CADM2: variants seen among roughly 807,000 people sequenced by gnomAD.
CADM2 encodes cell adhesion molecule 2.
CADM2 carries 12 observed loss-of-function variants against 49.8 expected under a neutral mutation model. That is an observed-to-expected ratio of 0.24 (90% confidence interval 0.15 to 0.39). CADM2 has a LOEUF of 0.39. Among genes scored for constraint, CADM2 ranks in the 10% least tolerant of loss-of-function variants. The probability of loss-of-function intolerance (pLI) is 1.00; values close to 1 mark genes in which losing one functional copy is unlikely to be tolerated. For synonymous variants in CADM2, 214 were observed against 175.4 expected, an observed-to-expected ratio of 1.22 and a Z score of -1.74; for missense variants, 378 against 492.3, an observed-to-expected ratio of 0.77 and a Z score of 2.20.
intron 8 of CADM2, among the ~76,000 whole-genome samples, chr3:86,011,753 T>G (rs13065014): frequency 6.6e-6 from 1 of 151,650 alleles, no homozygotes; most frequent in South Asian, 2.1e-4. Flanking sequence ...GAGAAATATG[T>G]AAAAAAAGAA....
At chr3:85,429,381 T>C (rs1205359308) in intron 1 of CADM2, among the ~76,000 whole-genome samples, 1 of 152,110 alleles carries the variant, frequency 6.6e-6, no homozygotes, top group East Asian at 1.9e-4. Context: ...TGCTCCAAAG[T>C]ATAAAGGCAC....
intron 3 of CADM2, among the ~76,000 whole-genome samples, chr3:85,881,159 T>C (rs1168963335): frequency 6.6e-6 from 1 of 152,156 alleles, no homozygotes; most frequent in Admixed American, 6.5e-5. Context: ...TAACTGATTC[T>C]ATCCTCTGTC....
chr3:85,701,888 GATAGAT>G, intron 1 of CADM2, among the ~76,000 whole-genome samples: 2 of 151,036 alleles, frequency 1.3e-5, no homozygotes, highest in African/African-American at 4.9e-5. Context: ...TAGATAGATA[GATAGAT>G]AGATAGATAG....
chr3:85,354,757 A>C (rs1431618873), intron 1 of CADM2, among the ~76,000 whole-genome samples: 2 of 152,054 alleles, frequency 1.3e-5, no homozygotes, highest in African/African-American at 4.8e-5. Context: ...GTTGCAGCTT[A>C]CAGGCTGGTT....
chr3:85,947,583 T>G (rs1413325060), intron 7 of CADM2, among the ~76,000 whole-genome samples: 1 of 151,678 alleles, frequency 6.6e-6, no homozygotes, highest in East Asian at 1.9e-4. Context: ...CTTTCCATAA[T>G]GAGTTTCTTT....
At chr3:85,842,290 T>C (rs978686311) in intron 3 of CADM2, among the ~76,000 whole-genome samples, 12 of 152,128 alleles carry the variant, frequency 7.9e-5, no homozygotes, top group African/African-American at 2.9e-4. Context: ...CCCAAATGGC[T>C]GAGGCTGGCA....
rs75562100 is a variant in CADM2, at chr3:85,870,480, A to G, written c.239-12811A>G. ...TGTGTGTTCTCATCATTTAGCTCCC[A>G]TTTATAAGTGAGAAAATGCTGTATT... On this transcript the variant is annotated intron_variant, in intron 3 of 9. Coordinates refer to ENST00000383699, the MANE Select transcript of CADM2 (RefSeq NM_001167675.2). Among the ~76,000 whole-genome samples the G allele has an allele frequency of 2.1e-3, 324 of 152,096 alleles. 1 individual carries two copies. Among genetic ancestry groups the G allele is most frequent in the African/African-American group, 7.6e-3 (316 of 41,490 alleles).
At chr3:85,128,941 A>C (rs2039131131) in intron 1 of CADM2, among the ~76,000 whole-genome samples, 1 of 152,190 alleles carries the variant, frequency 6.6e-6, no homozygotes, top group Non-Finnish European at 1.5e-5. Context: ...CACATCAGAT[A>C]CTGAGAGTTA....
intron 1 of CADM2, among the ~76,000 whole-genome samples, chr3:85,213,653 GA>G (rs1286609732): frequency 2.0e-5 from 3 of 152,002 alleles, no homozygotes; most frequent in Non-Finnish European, 4.4e-5. Flanking sequence ...TCTTGGTTTG[GA>G]AAGTTCTCTG....
chr3:85,212,933 T>G (rs2041835748), intron 1 of CADM2, among the ~76,000 whole-genome samples: 1 of 149,910 alleles, frequency 6.7e-6, no homozygotes, highest in South Asian at 2.1e-4. Flanking sequence ...CAGACTGGAG[T>G]GCAATGGCGC....
At chr3:85,686,715 G>A (rs1473332023) in intron 1 of CADM2, among the ~76,000 whole-genome samples, 2 of 152,054 alleles carry the variant, frequency 1.3e-5, no homozygotes, top group Non-Finnish European at 2.9e-5. Context: ...ACTACTTAGG[G>A]CAAACCTGCC....
chr3:85,784,671 TCA>T (rs1399693641), intron 2 of CADM2, among the ~76,000 whole-genome samples: 1 of 152,128 alleles, frequency 6.6e-6, no homozygotes, highest in Non-Finnish European at 1.5e-5. Context: ...AGAATTCATG[TCA>T]TAACTTATTT....
At chr3:85,996,446 T>C (rs569258775) in intron 8 of CADM2, among the ~76,000 whole-genome samples, 1 of 152,010 alleles carries the variant, frequency 6.6e-6, no homozygotes, top group South Asian at 2.1e-4. Context: ...TACAGGCGCA[T>C]GCTACCTAGT....
At chr3:85,517,275 C>T (rs2060927129) in intron 1 of CADM2, among the ~76,000 whole-genome samples, 1 of 151,880 alleles carries the variant, frequency 6.6e-6, no homozygotes, top group Non-Finnish European at 1.5e-5. Context: ...ATTGATGCTA[C>T]CATTACTTGT....
intron 1 of CADM2, among the ~76,000 whole-genome samples, chr3:85,585,753 G>A (rs1273226380): frequency 6.6e-6 from 1 of 151,990 alleles, no homozygotes; most frequent in Non-Finnish European, 1.5e-5. Flanking sequence ...GAGATTTAGA[G>A]TTTGGAGAAA....
chr3:85,622,190 ATTTG>A (rs986564839), intron 1 of CADM2, among the ~76,000 whole-genome samples: 8 of 152,010 alleles, frequency 5.3e-5, no homozygotes, highest in Non-Finnish European at 1.2e-4. Context: ...TGATTTGGGG[ATTTG>A]TTTTTTTTCT....
chr3:85,935,405 T>G (rs570991371), intron 6 of CADM2, among the ~76,000 whole-genome samples: 28 of 152,172 alleles, frequency 1.8e-4, no homozygotes, highest in Non-Finnish European at 4.0e-4. Flanking sequence ...TGCACATAAA[T>G]GCATTCAGCC....
intron 1 of CADM2, among the ~76,000 whole-genome samples, chr3:85,046,020 A>C (rs2107383949): frequency 6.6e-6 from 1 of 152,272 alleles, no homozygotes; most frequent in South Asian, 2.1e-4. Context: ...TGGTTATGTT[A>C]ATTAAAACTG....
chr3:85,260,820 A>C (rs2042999302), intron 1 of CADM2, among the ~76,000 whole-genome samples: 1 of 152,136 alleles, frequency 6.6e-6, no homozygotes. Flanking sequence ...TTAATCTATC[A>C]TTAGTAACGA....
Sources: gnomAD v4.1 joint callset for allele counts (sites outside exome capture counted in the v4.1 genomes callset) on GRCh38, gnomAD v4.1.1 for gene constraint, MANE v1.5 for transcripts, NCBI Gene and HGNC (gene_info 2026-07-23, HGNC 2026-07-21) for gene names.